Variants in PTPRC observed in about 807,000 individuals in gnomAD.
PTPRC encodes the protein receptor-type tyrosine-protein phosphatase C.
PTPRC carries 44 observed loss-of-function variants against 155.9 expected under a neutral mutation model. The ratio of observed to expected loss-of-function variants is 0.28; its 90% CI spans 0.22 to 0.36. The LOEUF is 0.36. Among genes scored for constraint, PTPRC ranks in the 10% least tolerant of loss-of-function variants. The pLI, the probability that PTPRC is intolerant of heterozygous loss-of-function variation, is 1.00. For missense variants in PTPRC, 1,401 were observed against 1,564.6 expected, an observed-to-expected ratio of 0.90 and a Z score of 1.76; for synonymous variants, 525 against 533.1, an observed-to-expected ratio of 0.98 and a Z score of 0.21.
At chr1:198,658,623 C>T (rs1373828741) in intron 2 of PTPRC, among the ~76,000 whole-genome samples, 1 of 151,996 alleles carries the variant, frequency 6.6e-6, no homozygotes, top group Non-Finnish European at 1.5e-5. Context: ...TTTTCTATGC[C>T]GGCTCTGTCC....
chr1:198,675,022 G>A (rs1182500879), intron 2 of PTPRC, among the ~76,000 whole-genome samples: 2 of 151,978 alleles, frequency 1.3e-5, no homozygotes, highest in African/African-American at 2.4e-5. Flanking sequence ...GATTTGTGAC[G>A]GTTTTCTGTC....
chr1:198,679,689 T>C, intron 2 of PTPRC: 1 of 341,324 alleles, frequency 2.9e-6, no homozygotes, highest in South Asian at 8.4e-5. Context: ...CAGCCAGACA[T>C]AGCGGTGGAG....
chr1:198,682,564 A>G (rs982023123), intron 2 of PTPRC, among the ~76,000 whole-genome samples: 3 of 152,126 alleles, frequency 2.0e-5, no homozygotes, highest in African/African-American at 7.2e-5. Flanking sequence ...CTGTCCTAGC[A>G]CTGTTTATTT....
intron 2 of PTPRC, among the ~76,000 whole-genome samples, chr1:198,673,304 A>G (rs2102300627): frequency 6.6e-6 from 1 of 152,294 alleles, no homozygotes; most frequent in East Asian, 1.9e-4. Flanking sequence ...ATAATTAAAA[A>G]ATACTGTGTG....
At chr1:198,703,597 T>C (rs946317799) in intron 7 of PTPRC, 14 of 694,590 alleles carry the variant, frequency 2.0e-5, no homozygotes, top group Non-Finnish European at 3.1e-5. Context: ...TCAGAAAGCA[T>C]GTGTGAGAAA....
chr1:198,678,906 C>T (rs12068602), intron 2 of PTPRC, among the ~76,000 whole-genome samples: 6,128 of 152,022 alleles, frequency 0.04, 389 homozygotes, highest in African/African-American at 0.13. Context: ...CCAGAATATT[C>T]CTGAAAATAG....
chr1:198,746,253 T>C (rs1282823123), intron 26 of PTPRC, among the ~76,000 whole-genome samples: 1 of 151,800 alleles, frequency 6.6e-6, no homozygotes, highest in East Asian at 2.0e-4. Context: ...GAAGCTAGTA[T>C]AGTATGATGG....
At position 198,757,228 on chromosome 1, in the gene PTPRC, G is replaced by T. The variant is rs1241121704; in HGVS notation, c.*1047G>T. 1.3e-5 allele frequency: 2 copies of T among 151,672 alleles called. No homozygotes were observed. Among genetic ancestry groups the T allele is most frequent in the African/African-American group, 4.8e-5 (2 of 41,370 alleles). 9.4% of individuals were successfully genotyped at this position (151,672 alleles called of 1,614,324 possible). On this transcript the variant is annotated 3_prime_UTR_variant, in exon 33 of 33. Coordinates refer to ENST00000442510, the MANE Select transcript of PTPRC (RefSeq NM_002838.5). The stretch of plus-strand genomic sequence containing the variant: ...CCAATGCTTAGAATGTTTTTACCAG[G>T]AATGGATGTCGCTAATCATAATAAA...
intron 4 of PTPRC, among the ~76,000 whole-genome samples, chr1:198,698,215 A>G (rs1260621524): frequency 6.6e-6 from 1 of 152,210 alleles, no homozygotes; most frequent in African/African-American, 2.4e-5. Flanking sequence ...TAAGCCATAA[A>G]TTTACAGGTA....
rs1558042291 is a variant in PTPRC, at chr1:198,754,594, A to ATAAGAAG, written c.3645+194_3645+195insAAGTAAG. 9.6e-5 allele frequency: 65 copies of ATAAGAAG among 674,164 alleles called. No individual in the cohort carries two copies. In the South Asian group the frequency reaches 1.3e-3, roughly 13 times the overall value. The allele number at this position is 674,164 out of a possible 1,614,324, so 41.8% of individuals were successfully genotyped here. A position where few individuals can be genotyped will look rare whatever the true frequency, so the allele number is the denominator to read the frequency against. On this transcript the variant is annotated intron_variant, in intron 32 of 32. Transcript: ENST00000442510. ...ACATGATAATTCACATTAAATTATT[A>ATAAGAAG]TAAGTCTAAATAAGAGCCTAAAGTT...
intron 2 of PTPRC, among the ~76,000 whole-genome samples, chr1:198,686,413 C>G (rs1665628309): frequency 6.6e-6 from 1 of 151,940 alleles, no homozygotes; most frequent in Non-Finnish European, 1.5e-5. Flanking sequence ...AAATTTCATC[C>G]CTAGAAGATA....
intron 13 of PTPRC, among the ~76,000 whole-genome samples, chr1:198,717,499 C>T (rs1306034353): frequency 2.0e-5 from 3 of 152,196 alleles, no homozygotes; most frequent in African/African-American, 4.8e-5. Context: ...GAGACCCTAA[C>T]GGGCACTAGA....
At chr1:198,730,807 A>T (rs1336255979) in intron 17 of PTPRC, among the ~76,000 whole-genome samples, 1 of 152,126 alleles carries the variant, frequency 6.6e-6, no homozygotes, top group African/African-American at 2.4e-5. Flanking sequence ...GAGAGCTGTG[A>T]TTGTATAGAA....
At chr1:198,703,651 T>G (rs1039435079) in intron 7 of PTPRC, 10 of 524,946 alleles carry the variant, frequency 1.9e-5, no homozygotes, top group African/African-American at 1.7e-4. Context: ...GTTTAGGTCT[T>G]AGTAAGGAAA....
intron 2 of PTPRC, among the ~76,000 whole-genome samples, chr1:198,689,638 C>T (rs1259267557): frequency 6.6e-6 from 1 of 152,182 alleles, no homozygotes; most frequent in Admixed American, 6.5e-5. Flanking sequence ...ACAGTGCTTG[C>T]TCCTTGGCTC....
chr1:198,747,582 G>A (rs1445190315), intron 26 of PTPRC, among the ~76,000 whole-genome samples: 1 of 151,832 alleles, frequency 6.6e-6, no homozygotes, highest in Admixed American at 6.6e-5. Context: ...ACTGGATTAA[G>A]TAGGAAGAAA....
At chr1:198,748,085 T>TTA in intron 26 of PTPRC, 24 bp from the exon 27 acceptor site, 1 of 1,571,704 alleles carries the variant, frequency 6.4e-7, no homozygotes. Flanking sequence ...AAAGGAGTTT[T>TTA]TCTGTTTTTT....
chr1:198,754,943 C>A (rs1258120273), intron 32 of PTPRC, among the ~76,000 whole-genome samples: 3 of 152,070 alleles, frequency 2.0e-5, no homozygotes, highest in Non-Finnish European at 4.4e-5. Context: ...TTAGCTATGG[C>A]AACAACAGTG....
rs377189318 is a variant in PTPRC at position 198,704,456 on chromosome 1, T to C, written c.659-16T>C. 6.2e-7 allele frequency: 1 copy of C among 1,613,930 alleles called. No individual in the cohort carries two copies. On this transcript the variant is annotated splice_polypyrimidine_tract_variant and intron_variant, in intron 7 of 32. Transcript: ENST00000442510. ...AGCAAAATTTTAATAATTTACATTT[T>C]TTTTCTCCATTACAGCTACTACTCC...
Sources: gnomAD v4.1 joint callset for allele counts (sites outside exome capture counted in the v4.1 genomes callset) on GRCh38, gnomAD v4.1.1 for gene constraint, MANE v1.5 for transcripts, NCBI Gene and HGNC (gene_info 2026-07-23, HGNC 2026-07-21) for gene names.